The following LMF1 variants were observed in gnomAD, a reference collection of about 807,000 sequenced individuals.
LMF1 encodes the protein transmembrane protein 112.
In LMF1, 68 loss-of-function variants were observed where a neutral mutation model predicts 60.6. The observed-to-expected ratio is 1.12, with a 90% CI of 0.92 to 1.37. The LOEUF (loss-of-function observed/expected upper bound fraction) is 1.37. Among genes scored for constraint, LMF1 ranks in the 40% most tolerant of loss-of-function variants. The pLI, the probability that LMF1 is intolerant of heterozygous loss-of-function variation, is 0.00. For synonymous variants in LMF1, 418 were observed against 324.7 expected, an observed-to-expected ratio of 1.29 and a Z score of -3.09; for missense variants, 948 against 767.2, an observed-to-expected ratio of 1.24 and a Z score of -2.78.
At chr16:855,986 C>G (rs747016243) in intron 10 of LMF1, 13 of 455,782 alleles carry the variant, frequency 2.9e-5, no homozygotes, top group Non-Finnish European at 5.3e-5. Flanking sequence ...CTTCTCTCCC[C>G]AAGTCTGAAT....
chr16:855,841 C>T lies in LMF1; in HGVS notation c.1530-1135G>A, dbSNP rs1001811212. On this transcript the variant is annotated intron_variant, in intron 10 of 10. Coordinates refer to ENST00000262301, the MANE Select transcript of LMF1 (RefSeq NM_022773.4). ...TTTGGGGCTTCTGGTGACCTGCACA[C>T]AGCTGTGCTCTGGGGGCTGGGGGTG... 3 of 455,946 alleles carry T rather than the reference C, an allele frequency of 6.6e-6. No homozygotes were observed. The East Asian group carries it at 2.1e-4, about 32-fold the overall frequency. The allele number at this position is 455,946 out of a possible 1,614,324, so 28.2% of individuals were successfully genotyped here.
intron 4 of LMF1, chr16:893,279 G>A: frequency 1.5e-6 from 1 of 671,004 alleles, no homozygotes; most frequent in Non-Finnish European, 2.7e-6. Flanking sequence ...GAGGACAGGA[G>A]TTTAGTGCAC....
chr16:935,449 G>A (rs2071912082), intron 2 of LMF1, among the ~76,000 whole-genome samples: 2 of 151,818 alleles, frequency 1.3e-5, no homozygotes, highest in Admixed American at 6.6e-5. Context: ...ACGCTGACTT[G>A]TACACTTTAT....
chr16:867,756 G>T (rs1379325279), intron 10 of LMF1, among the ~76,000 whole-genome samples: 1 of 152,064 alleles, frequency 6.6e-6, no homozygotes, highest in East Asian at 1.9e-4. Flanking sequence ...CATGAGGAGG[G>T]ACCCCATAGC....
In LMF1 at chr16:874,120, A is replaced by C. The variant is rs904658607; in HGVS notation, c.898-2779T>G. ...ACCAGGCGGAGGCGGCGGTTGCATC[A>C]CGCTGTGAACGTGCTGGAGGCCCCC... On this transcript the variant is annotated intron_variant, in intron 6 of 10. Coordinates refer to ENST00000262301, the MANE Select transcript of LMF1 (RefSeq NM_022773.4). This position sits in a 1 kb window ranked among gnomAD's most constrained non-coding sequence, Gnocchi z 4.1. 6.6e-6 allele frequency among the ~76,000 whole-genome samples: 1 copy of C among 152,102 alleles called. No homozygotes were observed. Among genetic ancestry groups the C allele is most frequent in the African/African-American group, 2.4e-5 (1 of 41,406 alleles).
At chr16:972,150 A>T (rs1293572153), upstream of LMF1, among the ~76,000 whole-genome samples, 1 of 152,196 alleles carries the variant, frequency 6.6e-6, no homozygotes, top group Non-Finnish European at 1.5e-5. Context: ...CCTGACCAGC[A>T]GTGGCCCGAG....
chr16:918,435 G>A (rs774683769), intron 3 of LMF1, among the ~76,000 whole-genome samples: 11 of 152,212 alleles, frequency 7.2e-5, no homozygotes, highest in Non-Finnish European at 1.5e-4. Context: ...TCCCGTCCAC[G>A]GAAATTAGAC....
chr16:873,261 TCTC>T (rs1596870642), intron 6 of LMF1: 1 of 152,418 alleles, frequency 6.6e-6, no homozygotes, highest in East Asian at 1.9e-4. Flanking sequence ...CACTGAGCCA[TCTC>T]CTCAGAGGGA....
At chr16:864,728 G>C (rs2069564531) in intron 10 of LMF1, among the ~76,000 whole-genome samples, 1 of 151,170 alleles carries the variant, frequency 6.6e-6, no homozygotes, top group Non-Finnish European at 1.5e-5. Context: ...CATGTCTTGG[G>C]TCACTGTAGC....
chr16:870,994 C>T (rs933391613), intron 7 of LMF1, 112 bp from the exon 8 acceptor site: 92 of 1,436,110 alleles, frequency 6.4e-5, no homozygotes, highest in Middle Eastern at 2.4e-4. Flanking sequence ...GTCCCGGGGA[C>T]GGAGCAGCAC....
intron 10 of LMF1, chr16:855,778 C>T (rs897661262): frequency 2.2e-6 from 1 of 456,022 alleles, no homozygotes; most frequent in Non-Finnish European, 4.4e-6. Context: ...TCACACTGCA[C>T]CAGGGCCCGG....
At chr16:855,596 C>T (rs1409570262) in intron 10 of LMF1, 1 of 417,368 alleles carries the variant, frequency 2.4e-6, no homozygotes, top group African/African-American at 2.0e-5. Flanking sequence ...GCCCTCCAGG[C>T]CCCTTCGCAG....
chr16:976,293 G>A (rs955350944), intron 1 of LMF1: 8 of 451,030 alleles, frequency 1.8e-5, no homozygotes, highest in Non-Finnish European at 3.1e-5. Flanking sequence ...GGCCCAGAAC[G>A]AGGCTGGGGT....
chr16:943,898 C>G (rs899084578), intron 2 of LMF1, among the ~76,000 whole-genome samples: 1 of 151,888 alleles, frequency 6.6e-6, no homozygotes, highest in Non-Finnish European at 1.5e-5. Context: ...TGTTTCTTTA[C>G]TTGTGTAGTA....
At chr16:882,588 C>G (rs1341658480) in intron 5 of LMF1, among the ~76,000 whole-genome samples, 1 of 152,234 alleles carries the variant, frequency 6.6e-6, no homozygotes. Flanking sequence ...GAAGAGCCAC[C>G]CAGGGGAGCC....
At chr16:950,997 T>C (rs1428843003) in intron 2 of LMF1, among the ~76,000 whole-genome samples, 1 of 122,102 alleles carries the variant, frequency 8.2e-6, no homozygotes, top group Admixed American at 9.0e-5. Context: ...AATGACAGAG[T>C]CAGCCAATGA....
chr16:945,211 C>CAAAAAAAAAAAAAAAA (rs60283096), intron 2 of LMF1, among the ~76,000 whole-genome samples: 4 of 79,010 alleles, frequency 5.1e-5, no homozygotes, highest in Admixed American at 1.6e-4. Flanking sequence ...GACTCCATCT[C>CAAAAAAAAAAAAAAAA]AAAAAAAAAA....
intron 7 of LMF1, 63 bp downstream of exon 7, chr16:871,088 GGGCAGGCTGT>G: frequency 6.8e-7 from 1 of 1,460,024 alleles, no homozygotes; most frequent in African/African-American, 1.4e-5. Context: ...CAACCCACAC[GGGCAGGCTGT>G]GGGGCTGGCA....
chr16:914,433 A>G (rs2071211730), intron 3 of LMF1, among the ~76,000 whole-genome samples: 1 of 151,384 alleles, frequency 6.6e-6, no homozygotes, highest in Admixed American at 6.6e-5. Context: ...GAGAGAACGC[A>G]CACCGCTGTG....
Sources: gnomAD v4.1 joint callset for allele counts (sites outside exome capture counted in the v4.1 genomes callset) on GRCh38, gnomAD v4.1.1 for gene constraint, Gnocchi (gnomAD v3.1) non-coding constraint, MANE v1.5 for transcripts, NCBI Gene and HGNC (gene_info 2026-07-23, HGNC 2026-07-21) for gene names.